The following IL10 variants were observed in gnomAD, a reference collection of about 807,000 sequenced individuals.
IL10 encodes the protein interleukin-10.
In IL10, 7 loss-of-function variants were observed where a neutral mutation model predicts 21.0. The ratio of observed to expected loss-of-function variants is 0.33; its 90% CI spans 0.19 to 0.63. IL10 has a LOEUF of 0.63. Ranked by LOEUF, IL10 falls within the 20% of genes least tolerant of loss-of-function variation. The pLI is 0.77. For missense variants in IL10, 161 were observed against 213.0 expected (o/e 0.76, Z 1.52); for synonymous variants, 83 against 79.7 (o/e 1.04, Z -0.22).
At chr1:206,770,869 G>C (rs1440208753) in intron 3 of IL10, 38 bp downstream of exon 3, 1 of 1,606,508 alleles carries the variant, frequency 6.2e-7, no homozygotes, top group South Asian at 1.1e-5. Context: ...TGGTATTTTG[G>C]GGGCAGCTGC....
chr1:206,769,910 G>A lies in IL10; in HGVS notation c.379-16C>T, dbSNP rs776223407. The A allele has an allele frequency of 9.3e-6, 15 of 1,610,278 alleles. No homozygotes were observed. The highest frequency in any genetic ancestry group is 1.1e-5 in the Non-Finnish European group (13 of 1,176,630). On this transcript the variant is annotated splice_polypyrimidine_tract_variant and intron_variant, in intron 3 of 4. Transcript: ENST00000423557. ...GAAATCGATGCTGTGGAAGAAAAGA[G>A]AAAGTGTTGGTGATCCTGGCTTCCA...
In IL10 at chr1:206,772,376, T is replaced by C. The variant is rs777665568; in HGVS notation, c.60A>G (p.Pro20=). ...LVLLTGVRAS[P]GQGTQSENSC... ...TGTTCTCAGACTGGGTGCCCTGGCC[T>C]GGGCTGGCCCTCACCCCAGTCAGGA... Residue 20 remains proline (P), a synonymous_variant, in exon 1 of 5, where the codon CCA becomes CCG. Coordinates refer to ENST00000423557, the MANE Select transcript of IL10 (RefSeq NM_000572.3). 6.2e-7 allele frequency: 1 copy of C among 1,614,200 alleles called. No homozygotes were observed.
intron 2 of IL10, 76 bp from the exon 3 acceptor site, chr1:206,771,135 G>A (rs1674820478): frequency 6.6e-7 from 1 of 1,507,628 alleles, no homozygotes; most frequent in African/African-American, 1.4e-5. Flanking sequence ...ACTAGCTTAA[G>A]AGGACAGCTT....
In IL10 at chr1:206,769,588, G is replaced by A. The variant is rs45450392; in HGVS notation, c.444+241C>T. 2.0e-5 allele frequency: 12 copies of A among 586,822 alleles called. 1 individual carries two copies. The highest frequency in any genetic ancestry group is 3.9e-5 in the South Asian group (2 of 50,932). The allele number at this position is 586,822 out of a possible 1,614,324, so 36.4% of individuals were successfully genotyped here. On this transcript the variant is annotated intron_variant, in intron 4 of 4. Transcript: ENST00000423557. ...ACAGGCTGGCCGGCCAGCCTAACCC[G>A]CAAGCCTGCAAAGGCAGCGAGCAGT...
intron 4 of IL10, among the ~76,000 whole-genome samples, chr1:206,769,121 A>G (rs1313921960): frequency 2.0e-5 from 3 of 152,234 alleles, no homozygotes; most frequent in South Asian, 2.1e-4. Context: ...CCACCAACAC[A>G]CTGAGCAGGC....
intron 1 of IL10, 145 bp downstream of exon 1, chr1:206,772,119 TGATCTAG>T: frequency 2.7e-6 from 2 of 741,164 alleles, no homozygotes; most frequent in Non-Finnish European, 4.7e-6. Flanking sequence ...ACCCATGGCT[TGATCTAG>T]GATTCTCTTA....
In IL10 at chr1:206,768,424, T is replaced by A; in HGVS notation, c.*212A>T. ...TGAAAATAATAAATATTGAAAAAAA[T>A]TATAATATTGGGCTTCTTTCTAAAT... On this transcript the variant is annotated 3_prime_UTR_variant, in exon 5 of 5. Coordinates refer to ENST00000423557, the MANE Select transcript of IL10 (RefSeq NM_000572.3). 1.9e-6 allele frequency: 1 copy of A among 527,322 alleles called. No individual in the cohort carries two copies. Among genetic ancestry groups the A allele is most frequent in the East Asian group, 3.2e-5 (1 of 31,598 alleles). The allele number at this position is 527,322 out of a possible 1,614,324, so 32.7% of individuals were successfully genotyped here.
chr1:206,771,458 A>T, intron 1 of IL10, 43 bp from the exon 2 acceptor site: 1 of 1,488,308 alleles, frequency 6.7e-7, no homozygotes, highest in Non-Finnish European at 9.2e-7. Flanking sequence ...GGTTTGGGGA[A>T]ATAACTGAAA....
chr1:206,770,490 C>T (rs889320557), intron 3 of IL10: 2 of 265,160 alleles, frequency 7.5e-6, no homozygotes, highest in Non-Finnish European at 1.5e-5. Flanking sequence ...GTCAATTGGG[C>T]CCTTCTTAGA....
chr1:206,769,467 C>T (rs1391226988), intron 4 of IL10, among the ~76,000 whole-genome samples: 1 of 152,234 alleles, frequency 6.6e-6, no homozygotes, highest in Non-Finnish European at 1.5e-5. Flanking sequence ...GTGCCAGCTT[C>T]CTGCACGTGT....
rs369837271 is a variant in IL10 at position 206,771,511 on chromosome 1, T to A, written c.166-96A>T. On this transcript the variant is annotated intron_variant, in intron 1 of 4. Transcript: ENST00000423557. ...CCTTTCATTTAGAGATTTTTTTTTT[T>A]AAATAAAATTGGCTCTGGCCCAAAA... The A allele has an allele frequency of 3.3e-4, 346 of 1,060,880 alleles. 2 individuals are homozygous for A. The African/African-American group carries it at 3.7e-3, about 11-fold the overall frequency. The allele number at this position is 1,060,880 out of a possible 1,614,324, so 65.7% of individuals were successfully genotyped here. A position where few individuals can be genotyped will look rare whatever the true frequency, so the allele number is the denominator to read the frequency against.
Position 206,767,816 on chromosome 1 carries a change from A to T in IL10, c.*820T>A, listed in dbSNP as rs1428811518. The T allele has an allele frequency of 6.5e-6, 1 of 152,706 alleles. No homozygotes were observed. The highest frequency in any genetic ancestry group is 6.5e-5 in the Admixed American group (1 of 15,278). 9.5% of individuals were successfully genotyped at this position (152,706 alleles called of 1,614,324 possible). On this transcript the variant is annotated 3_prime_UTR_variant, in exon 5 of 5. Coordinates refer to ENST00000423557, the MANE Select transcript of IL10 (RefSeq NM_000572.3). ...ATGATATCAGCTCACTGCAACTTCC[A>T]TCTCCTGGGTTCAAGCAATTCTCTT...
At chr1:206,770,237 C>T (rs938617563) in intron 3 of IL10, among the ~76,000 whole-genome samples, 6 of 152,134 alleles carry the variant, frequency 3.9e-5, no homozygotes, top group Admixed American at 6.5e-5. Context: ...TCACAGCCAC[C>T]GAGGAACACT....
In IL10 at chr1:206,772,456, C is replaced by T. The variant is rs752548814; in HGVS notation, c.-21G>A. ...TGCATGCCTTCTTTTGCAAGTCTGTCTTGTGGTTTGGTTTTGCAAGAGCAA... is the reference window on the plus strand; with the variant it reads ...TGCATGCCTTCTTTTGCAAGTCTGTTTTGTGGTTTGGTTTTGCAAGAGCAA... On this transcript the variant is annotated 5_prime_UTR_variant, in exon 1 of 5. Coordinates refer to ENST00000423557, the MANE Select transcript of IL10 (RefSeq NM_000572.3). 6.2e-7 allele frequency: 1 copy of T among 1,613,454 alleles called. No homozygotes were observed. The highest frequency in any genetic ancestry group is 1.1e-5 in the South Asian group (1 of 91,050).
In IL10 at chr1:206,772,453, T is replaced by C. The variant is rs1674880449; in HGVS notation, c.-18A>G. The C allele has an allele frequency of 6.2e-7, 1 of 1,613,452 alleles. No homozygotes were observed. On this transcript the variant is annotated 5_prime_UTR_variant, in exon 1 of 5. Coordinates refer to ENST00000423557, the MANE Select transcript of IL10 (RefSeq NM_000572.3). ...CTGTGCATGCCTTCTTTTGCAAGTC[T>C]GTCTTGTGGTTTGGTTTTGCAAGAG...
intron 2 of IL10, 83 bp from the exon 3 acceptor site, chr1:206,771,142 G>T: frequency 6.8e-7 from 1 of 1,479,278 alleles, no homozygotes; most frequent in East Asian, 2.3e-5. Flanking sequence ...TAAGAGGACA[G>T]CTTGGTTCTA....
intron 1 of IL10, 55 bp from the exon 2 acceptor site, chr1:206,771,470 G>A (rs887254534): frequency 7.0e-7 from 1 of 1,438,312 alleles, no homozygotes; most frequent in African/African-American, 1.4e-5. Context: ...TAACTGAAAT[G>A]CGGTCTTTTT....
Position 206,772,339 on chromosome 1 carries a change from AGTGG to A in IL10, c.93_96del (p.His32SerfsTer19). On this transcript the variant is annotated frameshift_variant, in exon 1 of 5. Transcript: ENST00000423557. LOFTEE classifies it high-confidence loss of function. Reference sequence around the variant, plus strand: ...AGCATGTTAGGCAGGTTGCCTGGGAAGTGGGTGCAGCTGTTCTCAGACTGGGTGC... The same window carrying A: ...AGCATGTTAGGCAGGTTGCCTGGGAAGTGCAGCTGTTCTCAGACTGGGTGC... The A allele has an allele frequency of 6.2e-7, 1 of 1,614,204 alleles. No homozygotes were observed. The highest frequency in any genetic ancestry group is 8.5e-7 in the Non-Finnish European group (1 of 1,180,016).
chr1:206,769,596 G>A lies in IL10; in HGVS notation c.444+233C>T, dbSNP rs1674761823. 11 of 596,484 alleles carry A rather than the reference G, an allele frequency of 1.8e-5. 1 individual carries two copies. The Admixed American group carries it at 2.2e-4, about 12-fold the overall frequency. 36.9% of individuals were successfully genotyped at this position (596,484 alleles called of 1,614,324 possible). A position where few individuals can be genotyped will look rare whatever the true frequency, so the allele number is the denominator to read the frequency against. On this transcript the variant is annotated intron_variant, in intron 4 of 4. Transcript: ENST00000423557. ...GCCGGCCAGCCTAACCCGCAAGCCT[G>A]CAAAGGCAGCGAGCAGTCATTTAGA...
Sources: allele counts gnomAD v4.1 joint callset (sites outside exome capture counted in the v4.1 genomes callset), GRCh38; gene constraint gnomAD v4.1.1; transcripts MANE v1.5; gene names NCBI Gene and HGNC (gene_info 2026-07-23, HGNC 2026-07-21).